Variants in TTBK2 observed in about 807,000 individuals in gnomAD.
TTBK2 encodes the protein tau tubulin kinase 2, also known as tau-tubulin kinase 2.
A neutral mutation model predicts 110.8 loss-of-function variants in TTBK2; 28 were observed. The observed-to-expected ratio is 0.25, with a 90% CI of 0.19 to 0.35. TTBK2 has a LOEUF of 0.35. Among genes scored for constraint, TTBK2 ranks in the 10% least tolerant of loss-of-function variants. The probability of loss-of-function intolerance (pLI) is 1.00; values close to 1 mark genes in which losing one functional copy is unlikely to be tolerated. For synonymous variants in TTBK2, 532 were observed against 527.3 expected, an observed-to-expected ratio of 1.01 and a Z score of -0.12; for missense variants, 1,369 against 1,500.3, an observed-to-expected ratio of 0.91 and a Z score of 1.45.
intron 13 of TTBK2, among the ~76,000 whole-genome samples, chr15:42,768,968 C>G (rs1052342415): frequency 1.6e-4 from 25 of 152,118 alleles, no homozygotes; most frequent in African/African-American, 6.0e-4. Context: ...ACATCTACAA[C>G]CATCTGATCT....
chr15:42,913,642 A>G (rs1388300537), intron 1 of TTBK2, among the ~76,000 whole-genome samples: 5 of 152,196 alleles, frequency 3.3e-5, no homozygotes, highest in South Asian at 4.1e-4. Context: ...CGTCTCAAAA[A>G]AAAAAAAGTA....
chr15:42,856,673 T>C (rs1003942151), intron 3 of TTBK2, among the ~76,000 whole-genome samples: 2 of 151,988 alleles, frequency 1.3e-5, no homozygotes, highest in South Asian at 4.2e-4. Context: ...CAGTTCAAGT[T>C]CTCAACATAG....
chr15:42,839,826 T>C (rs1309544689), intron 4 of TTBK2, among the ~76,000 whole-genome samples: 2 of 152,198 alleles, frequency 1.3e-5, no homozygotes, highest in African/African-American at 4.8e-5. Flanking sequence ...TGGGACCCCT[T>C]CTTCACCTTC....
At position 42,886,174 on chromosome 15, in the gene TTBK2, A is replaced by G. The variant is rs185656651; in HGVS notation, c.-67-7490T>C. Among the ~76,000 whole-genome samples the G allele has an allele frequency of 2.7e-3, 402 of 150,820 alleles. 1 individual carries two copies. The highest frequency in any genetic ancestry group is 6.8e-3 in the Middle Eastern group (2 of 294). ...TCCTTCTTTTCTACGGACTCATCTG[A>G]CCTCTCCCCTTCTCCCCAGGCTGCT... On this transcript the variant is annotated intron_variant, in intron 1 of 14. Transcript: ENST00000267890.
At chr15:42,749,559 T>G (rs1193708281) in intron 14 of TTBK2, among the ~76,000 whole-genome samples, 1 of 152,182 alleles carries the variant, frequency 6.6e-6, no homozygotes, top group Non-Finnish European at 1.5e-5. Context: ...GTCCTCCAAT[T>G]ACTGGGGATC....
At chr15:42,850,137 C>T (rs777977388) in intron 3 of TTBK2, among the ~76,000 whole-genome samples, 71 of 152,282 alleles carry the variant, frequency 4.7e-4, no homozygotes, top group Non-Finnish European at 6.2e-4. Context: ...TGCCTGCCCC[C>T]ATTGAGGCCA....
intron 3 of TTBK2, among the ~76,000 whole-genome samples, chr15:42,872,156 T>A (rs1319128187): frequency 6.6e-6 from 1 of 152,184 alleles, no homozygotes; most frequent in Non-Finnish European, 1.5e-5. Flanking sequence ...GAAGCTAATA[T>A]GAATCAACAT....
In TTBK2 at chr15:42,827,949, A is replaced by G. The variant is rs752484106; in HGVS notation, c.516T>C (p.Asn172=). ...LDFGLARQFT[N]SCGDVRPPRA... ...TTACTGGTCTGACGTCACCACAGGA[A>G]TTGGTAAATTGTCGAGCCAAGCCAA... The change falls in exon 6 of 15, where the codon AAT becomes AAC. Residue 172 remains asparagine (N), a synonymous_variant. Transcript: ENST00000267890. 9 of 1,613,438 alleles carry G rather than the reference A, an allele frequency of 5.6e-6. No homozygotes were observed. Among genetic ancestry groups the G allele is most frequent in the Non-Finnish European group, 5.1e-6 (6 of 1,179,714 alleles).
intron 9 of TTBK2, among the ~76,000 whole-genome samples, chr15:42,803,062 AC>A (rs1381273226): frequency 7.2e-5 from 11 of 152,262 alleles, no homozygotes; most frequent in African/African-American, 1.9e-4. Context: ...CTATTGTGGG[AC>A]CCTGTGATCA....
intron 4 of TTBK2, among the ~76,000 whole-genome samples, chr15:42,831,182 C>T (rs916385736): frequency 6.6e-6 from 1 of 152,020 alleles, no homozygotes; most frequent in African/African-American, 2.4e-5. Context: ...ATAAAACCTA[C>T]CTCACAGAGC....
intron 10 of TTBK2, among the ~76,000 whole-genome samples, chr15:42,787,179 C>T (rs550075068): frequency 6.2e-4 from 94 of 152,182 alleles, no homozygotes; most frequent in African/African-American, 2.2e-3. Flanking sequence ...TCTGTTTACA[C>T]GTTGGCCATG....
At chr15:42,849,407 G>C (rs1893604128) in intron 3 of TTBK2, among the ~76,000 whole-genome samples, 1 of 152,086 alleles carries the variant, frequency 6.6e-6, no homozygotes, top group Non-Finnish European at 1.5e-5. Flanking sequence ...CTGATTTAAA[G>C]TCTTTTTAAT....
At chr15:42,773,164 C>T (rs1889750614) in intron 13 of TTBK2, among the ~76,000 whole-genome samples, 1 of 152,110 alleles carries the variant, frequency 6.6e-6, no homozygotes, top group South Asian at 2.1e-4. Context: ...GATCATTCCA[C>T]TGTGCTACAG....
At chr15:42,785,623 TA>T (rs1567022386) in intron 10 of TTBK2, among the ~76,000 whole-genome samples, 1 of 152,176 alleles carries the variant, frequency 6.6e-6, no homozygotes, top group Non-Finnish European at 1.5e-5. Context: ...TTCCAGGTCT[TA>T]TTTATATGGT....
At chr15:42,798,926 T>C (rs962070686) in intron 9 of TTBK2, among the ~76,000 whole-genome samples, 1 of 152,130 alleles carries the variant, frequency 6.6e-6, no homozygotes, top group Non-Finnish European at 1.5e-5. Flanking sequence ...AGGTTGAGCA[T>C]CCCAAATCTG....
intron 3 of TTBK2, among the ~76,000 whole-genome samples, chr15:42,864,467 G>A (rs1232225153): frequency 6.6e-6 from 1 of 151,800 alleles, no homozygotes; most frequent in Non-Finnish European, 1.5e-5. Context: ...GCCTGTAATC[G>A]CAAATACTCG....
chr15:42,816,900 C>T (rs1018358070), intron 7 of TTBK2, 132 bp downstream of exon 7: 1 of 434,680 alleles, frequency 2.3e-6, no homozygotes, highest in Non-Finnish European at 3.3e-6. Context: ...GCCCGGGCGA[C>T]AGTGCAAGAC....
intron 14 of TTBK2, among the ~76,000 whole-genome samples, chr15:42,747,677 G>T (rs576806085): frequency 6.6e-6 from 1 of 152,222 alleles, no homozygotes; most frequent in Non-Finnish European, 1.5e-5. Flanking sequence ...CTGGGGTGGG[G>T]AGGGCCTGCT....
chr15:42,837,088 G>A (rs920352235), intron 4 of TTBK2, among the ~76,000 whole-genome samples: 22 of 152,112 alleles, frequency 1.4e-4, no homozygotes, highest in Admixed American at 3.3e-4. Context: ...GGCTGGGCGC[G>A]GTGGCTTACG....
Sources: gnomAD v4.1 joint callset for allele counts (sites outside exome capture counted in the v4.1 genomes callset) on GRCh38, gnomAD v4.1.1 for gene constraint, MANE v1.5 for transcripts, NCBI Gene and HGNC (gene_info 2026-07-23, HGNC 2026-07-21) for gene names.